Variants in STS observed in about 807,000 individuals in gnomAD.
The protein encoded by STS is steryl-sulfatase.
Under a neutral mutation model 26.8 loss-of-function variants are expected in STS, and 7 were observed. The ratio of observed to expected loss-of-function variants is 0.26; its 90% CI spans 0.15 to 0.49. The LOEUF (loss-of-function observed/expected upper bound fraction) is 0.49, where lower values mean the gene tolerates loss of function less well. STS is among the 20% of genes least tolerant of loss of function. The probability of loss-of-function intolerance (pLI) is 0.98; values close to 1 mark genes in which losing one functional copy is unlikely to be tolerated. For synonymous variants in STS, 199 were observed against 189.4 expected (o/e 1.05, Z -0.42); for missense variants, 434 against 465.6 (o/e 0.93, Z 0.63).
chrX:7,297,043 G>A (rs1402099869), intron 7 of STS, among the ~76,000 whole-genome samples: 2 of 111,992 alleles, frequency 1.8e-5, no homozygotes, highest in South Asian at 7.4e-4. Context: ...TAATAATTCC[G>A]ATTATATGCA....
At chrX:7,337,572 C>T (rs922711264) in intron 10 of STS, among the ~76,000 whole-genome samples, 1 of 111,925 alleles carries the variant, frequency 8.9e-6, no homozygotes, top group African/African-American at 3.2e-5. Flanking sequence ...AGGGTTGTCG[C>T]CTGACCTCAG....
intron 1 of STS, among the ~76,000 whole-genome samples, chrX:7,180,312 T>C (rs765060901): frequency 8.9e-6 from 1 of 111,812 alleles, no homozygotes; most frequent in Non-Finnish European, 1.9e-5. Context: ...AAGCATTAGA[T>C]TCTCAAAAGG....
At chrX:7,200,550 G>A (rs1344150384) in intron 2 of STS, among the ~76,000 whole-genome samples, 2 of 111,357 alleles carry the variant, frequency 1.8e-5, no homozygotes, top group Non-Finnish European at 3.8e-5. Context: ...ATGTTTCTTG[G>A]ACCAAGCATG....
intron 2 of STS, among the ~76,000 whole-genome samples, chrX:7,192,335 G>A (rs1361142043): frequency 2.7e-5 from 3 of 111,743 alleles, no homozygotes; most frequent in Non-Finnish European, 5.6e-5. Flanking sequence ...AGGCCGAGGC[G>A]GGCAGATCGC....
At chrX:7,284,055 T>C (rs1925006661) in intron 7 of STS, among the ~76,000 whole-genome samples, 1 of 111,222 alleles carries the variant, frequency 9.0e-6, no homozygotes, top group Admixed American at 9.6e-5. Flanking sequence ...CTGTGATTCC[T>C]AGGGCTGATT....
At chrX:7,227,919 G>A (rs143579292) in intron 2 of STS, among the ~76,000 whole-genome samples, 1,559 of 110,911 alleles carry the variant, frequency 0.014, 38 homozygotes, top group African/African-American at 0.047. Context: ...CTTTTTGGTC[G>A]TATGAATTTA....
chrX:7,183,223 A>T (rs1933714234), intron 1 of STS, among the ~76,000 whole-genome samples: 1 of 112,114 alleles, frequency 8.9e-6, no homozygotes, highest in African/African-American at 3.2e-5. Flanking sequence ...TGTTAATCTT[A>T]AACCCTAAGA....
chrX:7,266,898 G>A (rs181864829), intron 6 of STS, among the ~76,000 whole-genome samples: 49 of 111,852 alleles, frequency 4.4e-4, no homozygotes, highest in African/African-American at 1.6e-3. Context: ...AGGTGCTGTG[G>A]ATACACACAT....
At chrX:7,251,791 T>TA (rs1923153750) in intron 2 of STS, among the ~76,000 whole-genome samples, 1 of 110,531 alleles carries the variant, frequency 9.0e-6, no homozygotes, top group Non-Finnish European at 1.9e-5. Context: ...CCCTTGTCTC[T>TA]AAAAAATAAA....
intron 2 of STS, among the ~76,000 whole-genome samples, chrX:7,196,192 T>C (rs1933969319): frequency 9.0e-6 from 1 of 111,432 alleles, no homozygotes; most frequent in South Asian, 3.8e-4. Context: ...GAGAGAAAGG[T>C]GTGGGAAGGG....
At chrX:7,288,212 A>T (rs1925235830) in intron 7 of STS, among the ~76,000 whole-genome samples, 1 of 103,630 alleles carries the variant, frequency 9.6e-6, no homozygotes, top group Non-Finnish European at 2.0e-5. Flanking sequence ...AAATTTTTGT[A>T]GTTAAACCTT....
chrX:7,299,253 A>G (rs1925840135), intron 7 of STS, among the ~76,000 whole-genome samples: 1 of 97,192 alleles, frequency 1.0e-5, no homozygotes, highest in Non-Finnish European at 2.0e-5. Flanking sequence ...TAAAATTTAT[A>G]ATTATAAATT....
At chrX:7,279,303 A>G (rs1924701327) in intron 7 of STS, among the ~76,000 whole-genome samples, 1 of 72,672 alleles carries the variant, frequency 1.4e-5, no homozygotes, top group African/African-American at 5.3e-5. Flanking sequence ...ATATATATAT[A>G]TATATATATG....
chrX:7,213,446 G>A (rs911227631), intron 2 of STS, among the ~76,000 whole-genome samples: 1 of 111,041 alleles, frequency 9.0e-6, no homozygotes, highest in Non-Finnish European at 1.9e-5. Context: ...TTGTAAAGGG[G>A]ACCATCTTTC....
At chrX:7,274,146 T>A (rs1924419140) in intron 6 of STS, among the ~76,000 whole-genome samples, 1 of 111,792 alleles carries the variant, frequency 8.9e-6, no homozygotes, top group African/African-American at 3.3e-5. Flanking sequence ...GGCATCAACA[T>A]AAGGCTTCGT....
intron 10 of STS, among the ~76,000 whole-genome samples, chrX:7,342,908 A>G (rs1225821888): frequency 1.8e-5 from 2 of 111,447 alleles, no homozygotes; most frequent in Non-Finnish European, 3.8e-5. Context: ...TAATGTATGG[A>G]ACAATTTTTT....
intron 1 of STS, among the ~76,000 whole-genome samples, chrX:7,154,836 A>AC (rs1933101779): frequency 8.9e-6 from 1 of 112,763 alleles, no homozygotes; most frequent in Non-Finnish European, 1.9e-5. Context: ...AGCAAAAAAA[A>AC]ATAAGGAAAA....
At chrX:7,163,792 C>T (rs1933295729) in intron 1 of STS, among the ~76,000 whole-genome samples, 1 of 112,305 alleles carries the variant, frequency 8.9e-6, no homozygotes, top group African/African-American at 3.2e-5. Context: ...CTTCATTCAT[C>T]CCACAGATTG....
intron 2 of STS, among the ~76,000 whole-genome samples, chrX:7,240,750 A>G (rs1253878840): frequency 9.2e-6 from 1 of 108,418 alleles, no homozygotes; most frequent in East Asian, 2.9e-4. Context: ...ATTGTGTCTC[A>G]AATCGGCTCA....
Sources: allele counts gnomAD v4.1 joint callset (sites outside exome capture counted in the v4.1 genomes callset), GRCh38; gene constraint gnomAD v4.1.1; transcripts MANE v1.5; gene names NCBI Gene and HGNC (gene_info 2026-07-23, HGNC 2026-07-21).